Variants in IL20RA observed in about 807,000 individuals in gnomAD.
IL20RA encodes the protein interleukin-20 receptor subunit alpha.
Under a neutral mutation model 36.5 loss-of-function variants are expected in IL20RA, and 29 were observed. The observed-to-expected ratio is 0.79, with a 90% CI of 0.59 to 1.08. The LOEUF is 1.08. Among genes scored for constraint, IL20RA ranks in the 50% least tolerant of loss-of-function variants. IL20RA has a pLI of 0.00. For synonymous variants in IL20RA, 279 were observed against 267.1 expected (o/e 1.04, Z -0.43); for missense variants, 652 against 668.4 (o/e 0.98, Z 0.27).
Position 137,001,858 on chromosome 6 carries a change from G to T in IL20RA, c.1362C>A (p.Leu454=). 6.2e-7 allele frequency: 1 copy of T among 1,613,584 alleles called. No homozygotes were observed. The highest frequency in any genetic ancestry group is 8.5e-7 in the Non-Finnish European group (1 of 1,179,692). ...QTLQYSYTPQ[L]QDLDPLAQEH... Reference sequence around the variant, plus strand: ...CCTGCGCCAGGGGGTCTAAGTCTTGGAGCTGAGGGGTGTATGAGTACTGTA... The same window carrying T: ...CCTGCGCCAGGGGGTCTAAGTCTTGTAGCTGAGGGGTGTATGAGTACTGTA... The change falls in exon 7 of 7, where the codon CTC becomes CTA. Residue 454 remains leucine (L), a synonymous_variant. Transcript: ENST00000316649.
chr6:137,035,948 G>T (rs1776475838), intron 1 of IL20RA, among the ~76,000 whole-genome samples: 1 of 152,224 alleles, frequency 6.6e-6, no homozygotes, highest in South Asian at 2.1e-4. Context: ...TGGAACAAGG[G>T]AGAGGATTTC....
At chr6:137,024,203 T>TA (rs905914648) in intron 1 of IL20RA, among the ~76,000 whole-genome samples, 21 of 152,106 alleles carry the variant, frequency 1.4e-4, no homozygotes, top group Admixed American at 1.3e-3. Context: ...CTCTTTAGTT[T>TA]AAAAAAAATT....
At chr6:137,009,564 C>A in intron 3 of IL20RA, 72 bp from the exon 4 acceptor site, 1 of 874,664 alleles carries the variant, frequency 1.1e-6, no homozygotes, top group East Asian at 2.5e-5. Context: ...ACCATATAAT[C>A]CTACTTGGAT....
intron 3 of IL20RA, 81 bp downstream of exon 3, chr6:137,011,193 A>G: frequency 8.4e-7 from 1 of 1,191,408 alleles, no homozygotes; most frequent in East Asian, 2.4e-5. Context: ...TCCTCTGGGC[A>G]AGGCTGTCTG....
intron 2 of IL20RA, among the ~76,000 whole-genome samples, chr6:137,016,714 G>C (rs1046997279): frequency 1.3e-5 from 2 of 152,074 alleles, no homozygotes; most frequent in Admixed American, 6.6e-5. Context: ...ACCTAATAAT[G>C]TTTTATTATT....
At position 137,002,187 on chromosome 6, in the gene IL20RA, T is replaced by C; in HGVS notation, c.1033A>G (p.Ser345Gly). Residue 345 changes from serine to glycine, a missense_variant, in exon 7 of 7, where the codon AGC (serine) becomes GGC (glycine). Coordinates refer to ENST00000316649, the MANE Select transcript of IL20RA (RefSeq NM_014432.4). ...DVSSLNDPQP[S>G]GNLRPPQEEE... ...TCCTGAGGGGGCCTCAGGTTCCCGCTGGGCTGAGGATCATTAAGGCTGGAT... is the reference window on the plus strand; with the variant it reads ...TCCTGAGGGGGCCTCAGGTTCCCGCCGGGCTGAGGATCATTAAGGCTGGAT... The C allele has an allele frequency of 6.2e-7, 1 of 1,614,174 alleles. No homozygotes were observed. The highest frequency in any genetic ancestry group is 1.3e-5 in the African/African-American group (1 of 75,048).
chr6:137,042,454 G>A (rs567933364), intron 1 of IL20RA, among the ~76,000 whole-genome samples: 3 of 152,234 alleles, frequency 2.0e-5, no homozygotes, highest in African/African-American at 4.8e-5. Context: ...GTTCTTTATC[G>A]TTCCTGAGAA....
intron 6 of IL20RA, among the ~76,000 whole-genome samples, chr6:137,003,839 C>T (rs1426289731): frequency 1.3e-5 from 2 of 152,122 alleles, no homozygotes. Flanking sequence ...TTCCACACAT[C>T]CACCTTGCTG....
intron 6 of IL20RA, among the ~76,000 whole-genome samples, chr6:137,003,342 G>C (rs1487658094): frequency 6.6e-6 from 1 of 152,184 alleles, no homozygotes; most frequent in East Asian, 1.9e-4. Flanking sequence ...AAATGGTTTT[G>C]ATTGTTAAAA....
At chr6:137,016,899 C>T in intron 2 of IL20RA, 69 bp downstream of exon 2, 1 of 1,397,106 alleles carries the variant, frequency 7.2e-7, no homozygotes, top group South Asian at 1.2e-5. Context: ...GAGAGTTTAT[C>T]TTTACACAAT....
chr6:137,031,418 C>G (rs1776277183), intron 1 of IL20RA, among the ~76,000 whole-genome samples: 1 of 152,180 alleles, frequency 6.6e-6, no homozygotes, highest in Admixed American at 6.5e-5. Flanking sequence ...GTCAATGATG[C>G]TGGTCCCATA....
At chr6:137,009,235 AATC>A (rs1255983136) in intron 4 of IL20RA, 79 bp downstream of exon 4, 1 of 1,103,272 alleles carries the variant, frequency 9.1e-7, no homozygotes, top group South Asian at 1.2e-5. Context: ...ACATGCAGAG[AATC>A]AATGCATCAG....
intron 1 of IL20RA, among the ~76,000 whole-genome samples, chr6:137,036,593 A>T (rs912768586): frequency 2.0e-5 from 3 of 152,282 alleles, no homozygotes; most frequent in Middle Eastern, 3.4e-3. Context: ...TTGTGTCTAC[A>T]AGCCAAGGGG....
At chr6:137,008,460 TG>T in intron 5 of IL20RA, 138 bp downstream of exon 5, 2 of 816,496 alleles carry the variant, frequency 2.4e-6, no homozygotes, top group Non-Finnish European at 3.7e-6. Context: ...CACGCATTTC[TG>T]GTGGTAGTTG....
chr6:137,008,370 G>A (rs1250741580), intron 5 of IL20RA, among the ~76,000 whole-genome samples: 1 of 152,200 alleles, frequency 6.6e-6, no homozygotes, highest in Non-Finnish European at 1.5e-5. Context: ...CAGTGGACAC[G>A]GGACCTGTAT....
chr6:137,007,181 C>T (rs1178603546), intron 5 of IL20RA, among the ~76,000 whole-genome samples: 1 of 152,202 alleles, frequency 6.6e-6, no homozygotes, highest in Non-Finnish European at 1.5e-5. Context: ...GTAAAGAGAG[C>T]ACTTCTCCCA....
At chr6:137,027,967 T>C (rs6570132) in intron 1 of IL20RA, among the ~76,000 whole-genome samples, 5,113 of 152,352 alleles carry the variant, frequency 0.034, 109 homozygotes, top group South Asian at 0.087. Context: ...TAAGGAAAGA[T>C]ATAAAAAAGT....
At chr6:137,040,345 C>T (rs1377650834) in intron 1 of IL20RA, among the ~76,000 whole-genome samples, 1 of 151,384 alleles carries the variant, frequency 6.6e-6, no homozygotes, top group Middle Eastern at 3.2e-3. Flanking sequence ...TATTTCCCAG[C>T]TCCGTCCACC....
rs1056043789 is a variant in IL20RA at position 137,044,695 on chromosome 6, G to A, written c.34C>T (p.Leu12=). 6.5e-6 allele frequency: 8 copies of A among 1,223,904 alleles called. No homozygotes were observed. Among genetic ancestry groups the A allele is most frequent in the African/African-American group, 1.6e-5 (1 of 63,874 alleles). 75.8% of individuals were successfully genotyped at this position (1,223,904 alleles called of 1,614,324 possible). A position where few individuals can be genotyped will look rare whatever the true frequency, so the allele number is the denominator to read the frequency against. The change falls in exon 1 of 7, where the codon CTG becomes TTG. Residue 12 remains leucine, a synonymous_variant. Coordinates refer to ENST00000316649, the MANE Select transcript of IL20RA (RefSeq NM_014432.4). ...RAPGRPALRP[L]PLPPLLLLLL... ...AACAGCAGCAGCGGCGGCAGCGGCAGCGGCCGCAGGGCCGGGCGGCCGGGA... is the reference window on the plus strand; with the variant it reads ...AACAGCAGCAGCGGCGGCAGCGGCAACGGCCGCAGGGCCGGGCGGCCGGGA...
Sources: allele counts gnomAD v4.1 joint callset (sites outside exome capture counted in the v4.1 genomes callset), GRCh38; gene constraint gnomAD v4.1.1; transcripts MANE v1.5; gene names NCBI Gene and HGNC (gene_info 2026-07-23, HGNC 2026-07-21).